The following SKAP1 variants were observed in gnomAD, a reference collection of about 807,000 sequenced individuals.
SKAP1 encodes src kinase associated phosphoprotein 1, also known as src kinase-associated phosphoprotein 1.
A neutral mutation model predicts 58.5 loss-of-function variants in SKAP1; 44 were observed. The ratio of observed to expected loss-of-function variants is 0.75; its 90% CI spans 0.59 to 0.97. The LOEUF (loss-of-function observed/expected upper bound fraction) is 0.97, where lower values mean the gene tolerates loss of function less well. Ranked by LOEUF, SKAP1 falls within the 50% of genes least tolerant of loss-of-function variation. SKAP1 has a pLI of 0.00. For synonymous variants in SKAP1, 127 were observed against 149.7 expected (o/e 0.85, Z 1.11); for missense variants, 390 against 435.2 (o/e 0.90, Z 0.92).
chr17:48,172,447 A>G (rs886736720), intron 9 of SKAP1, among the ~76,000 whole-genome samples: 5 of 152,210 alleles, frequency 3.3e-5, no homozygotes, highest in African/African-American at 1.2e-4. Flanking sequence ...TAATGTAAAT[A>G]TGTGTACCAG....
chr17:48,421,551 C>T (rs2067793903), intron 1 of SKAP1, among the ~76,000 whole-genome samples: 1 of 152,100 alleles, frequency 6.6e-6, no homozygotes, highest in South Asian at 2.1e-4. Context: ...GTGATCTACC[C>T]ACCTTGGCCT....
At chr17:48,372,792 C>A in intron 2 of SKAP1, among the ~76,000 whole-genome samples, 1 of 152,106 alleles carries the variant, frequency 6.6e-6, no homozygotes, top group East Asian at 1.9e-4. Flanking sequence ...AGGTGTGCAC[C>A]ACCACACCTG....
At chr17:48,221,449 C>G (rs1413659931) in intron 4 of SKAP1, among the ~76,000 whole-genome samples, 1 of 152,206 alleles carries the variant, frequency 6.6e-6, no homozygotes, top group Non-Finnish European at 1.5e-5. Flanking sequence ...AAAACAGTTT[C>G]TCCTTGAGTA....
At chr17:48,394,411 G>A (rs1440140353) in intron 2 of SKAP1, among the ~76,000 whole-genome samples, 1 of 151,484 alleles carries the variant, frequency 6.6e-6, no homozygotes, top group Admixed American at 6.6e-5. Context: ...TAATGATCAT[G>A]GCCCACTGCA....
intron 4 of SKAP1, among the ~76,000 whole-genome samples, chr17:48,339,385 T>C (rs1335885921): frequency 6.6e-6 from 1 of 152,212 alleles, no homozygotes; most frequent in Non-Finnish European, 1.5e-5. Context: ...ATTATCTTCA[T>C]ATCATAGAAT....
At chr17:48,419,951 C>T (rs1315121982) in intron 1 of SKAP1, among the ~76,000 whole-genome samples, 6 of 152,126 alleles carry the variant, frequency 3.9e-5, no homozygotes, top group African/African-American at 1.2e-4. Flanking sequence ...CCACTCTATT[C>T]CTGAGCTCAG....
At chr17:48,270,415 C>T (rs556842157) in intron 4 of SKAP1, among the ~76,000 whole-genome samples, 4 of 152,188 alleles carry the variant, frequency 2.6e-5, no homozygotes, top group South Asian at 4.2e-4. Flanking sequence ...GGAATATCGG[C>T]TCACTGCAAC....
chr17:48,253,135 T>C lies in SKAP1; in HGVS notation c.281-63635A>G, dbSNP rs531090785. Reference sequence around the variant, plus strand: ...GGTTGTGAGCCATCCTAGCTCTTACTAAAGGGGGGCTGTCAATCTTTCTCT... The same window carrying C: ...GGTTGTGAGCCATCCTAGCTCTTACCAAAGGGGGGCTGTCAATCTTTCTCT... On this transcript the variant is annotated intron_variant, in intron 4 of 12. Transcript: ENST00000336915. Among the ~76,000 whole-genome samples, 4 of 152,188 alleles carry C rather than the reference T, an allele frequency of 2.6e-5. No individual in the cohort carries two copies. In the South Asian group the frequency reaches 8.3e-4, roughly 32 times the overall value.
intron 4 of SKAP1, among the ~76,000 whole-genome samples, chr17:48,194,972 C>T (rs1319272046): frequency 6.6e-6 from 1 of 152,196 alleles, no homozygotes; most frequent in Non-Finnish European, 1.5e-5. Flanking sequence ...ATTCCACCTG[C>T]AATTCCAATG....
At chr17:48,152,784 A>T (rs2063917614) in intron 11 of SKAP1, among the ~76,000 whole-genome samples, 1 of 152,252 alleles carries the variant, frequency 6.6e-6, no homozygotes, top group Admixed American at 6.5e-5. Flanking sequence ...TACCATCTTT[A>T]ACAGTGAATT....
chr17:48,259,949 G>T lies in SKAP1; in HGVS notation c.281-70449C>A, dbSNP rs2143924439. ...GTTGGAAATGTAAAAGGAGGAGGAA[G>T]CTTCCTTAAAAACAAGTTAAAAACA... On this transcript the variant is annotated intron_variant, in intron 4 of 12. Transcript: ENST00000336915. Among the ~76,000 whole-genome samples, 3 of 152,230 alleles carry T rather than the reference G, an allele frequency of 2.0e-5. 1 individual carries two copies. In the South Asian group the frequency reaches 6.2e-4, roughly 32 times the overall value.
intron 2 of SKAP1, among the ~76,000 whole-genome samples, chr17:48,384,158 G>T (rs1264881267): frequency 6.6e-6 from 1 of 152,166 alleles, no homozygotes; most frequent in African/African-American, 2.4e-5. Context: ...ACTTTATGAA[G>T]ACTAAAGTTT....
At chr17:48,434,596 C>T (rs111332430), upstream of SKAP1, among the ~76,000 whole-genome samples, 610 of 152,240 alleles carry the variant, frequency 4.0e-3, 8 homozygotes, top group African/African-American at 0.014. Context: ...ATTCCATAAG[C>T]AGGTTCTCAG....
chr17:48,332,177 ATAT>A (rs2066515377), intron 4 of SKAP1, among the ~76,000 whole-genome samples: 1 of 152,208 alleles, frequency 6.6e-6, no homozygotes, highest in African/African-American at 2.4e-5. Flanking sequence ...ATAGTTTATT[ATAT>A]TATTACAGCT....
At chr17:48,403,915 C>A (rs1034358338) in intron 1 of SKAP1, among the ~76,000 whole-genome samples, 1 of 151,608 alleles carries the variant, frequency 6.6e-6, no homozygotes, top group African/African-American at 2.4e-5. Flanking sequence ...GGCGAAAACC[C>A]ATCTCTACTA....
At chr17:48,273,607 G>A (rs543188053) in intron 4 of SKAP1, among the ~76,000 whole-genome samples, 4 of 151,854 alleles carry the variant, frequency 2.6e-5, no homozygotes, top group Admixed American at 6.5e-5. Context: ...TAGCAGAGGC[G>A]GGGTCTCACC....
At chr17:48,165,345 AAG>A (rs1251602180) in intron 10 of SKAP1, among the ~76,000 whole-genome samples, 1 of 151,890 alleles carries the variant, frequency 6.6e-6, no homozygotes, top group East Asian at 1.9e-4. Flanking sequence ...TCCTATAAAC[AAG>A]AGAATGCATG....
chr17:48,147,064 A>G (rs2063841588), intron 11 of SKAP1, among the ~76,000 whole-genome samples: 1 of 152,194 alleles, frequency 6.6e-6, no homozygotes, highest in Non-Finnish European at 1.5e-5. Context: ...CTCTTTTCAC[A>G]TTGAATTGGG....
chr17:48,363,791 T>C lies in SKAP1; in HGVS notation c.176A>G (p.Gln59Arg), dbSNP rs2066966513. 9.3e-6 allele frequency: 15 copies of C among 1,607,386 alleles called. No homozygotes were observed. The highest frequency in any genetic ancestry group is 1.3e-5 in the African/African-American group (1 of 74,684). ...ATACGTGGTCAAAGAGGACTCACCT[T>C]GGGGCTGAAAATCCCAATAGTACCT... ...KARYYWDFQP[Q>R]GGDIGQDSSD... is the part of the protein sequence containing the mutation. The change falls in exon 3 of 13, where the codon CAA becomes CGA. Residue 59 changes from glutamine to arginine, a missense_variant and splice_region_variant. Coordinates refer to ENST00000336915, the MANE Select transcript of SKAP1 (RefSeq NM_003726.4).
Sources: gnomAD v4.1 joint callset for allele counts (sites outside exome capture counted in the v4.1 genomes callset) on GRCh38, gnomAD v4.1.1 for gene constraint, MANE v1.5 for transcripts, NCBI Gene and HGNC (gene_info 2026-07-23, HGNC 2026-07-21) for gene names.